MGST1: variants seen among roughly 807,000 people sequenced by gnomAD.
MGST1 encodes glutathione S-transferase 12.
Under a neutral mutation model 8.9 loss-of-function variants are expected in MGST1, and 5 were observed. That is an observed-to-expected ratio of 0.56 (90% CI 0.29 to 1.19). MGST1 has a LOEUF of 1.19. Ranked by LOEUF, MGST1 falls within the 50% of genes most tolerant of loss-of-function variation. The pLI is 0.08. For synonymous variants in MGST1, 54 were observed against 67.8 expected (o/e 0.80, Z 1.00); for missense variants, 182 against 187.4 (o/e 0.97, Z 0.17).
intron 4 of MGST1, among the ~76,000 whole-genome samples, chr12:16,447,239 A>G (rs1941087184): frequency 6.6e-6 from 1 of 151,870 alleles, no homozygotes; most frequent in African/African-American, 2.4e-5. Context: ...TGCCTCCTTG[A>G]TCAAAACTCT....
In MGST1 at chr12:16,491,063, G is replaced by T. The variant is rs533153820; in HGVS notation, n.483-98465G>T. Among the ~76,000 whole-genome samples the T allele has an allele frequency of 7.2e-5, 11 of 152,118 alleles. No homozygotes were observed. In the South Asian group the frequency reaches 8.3e-4, roughly 11 times the overall value. ...ATATAAGATTTAATCAAATTCTCTC[G>T]ATATAACTATTTATATGTTTTGCTT... On this transcript the variant is annotated intron_variant and non_coding_transcript_variant, in intron 4 of 4. Coordinates refer to the MGST1 transcript ENST00000538857.
chr12:16,390,295 G>GA (rs1281143578), intron 1 of MGST1, among the ~76,000 whole-genome samples: 5 of 151,686 alleles, frequency 3.3e-5, no homozygotes, highest in Admixed American at 1.3e-4. Flanking sequence ...ACAAATTATA[G>GA]AAAAAAACAG....
In MGST1 at chr12:16,555,849, A is replaced by G. The variant is rs547059158; in HGVS notation, n.483-33679A>G. On this transcript the variant is annotated intron_variant and non_coding_transcript_variant, in intron 4 of 4. Coordinates refer to the MGST1 transcript ENST00000538857. This position sits in a 1 kb window ranked among gnomAD's most constrained non-coding sequence, Gnocchi z 5.5. ...TCCCTCATCTTCCCCAACCCCGAGC[A>G]GACACACTTCCTGTAAGTCAACCAG... 1.2e-4 allele frequency among the ~76,000 whole-genome samples: 19 copies of G among 152,278 alleles called. No individual in the cohort carries two copies. In the South Asian group the frequency reaches 3.5e-3, roughly 28 times the overall value.
At chr12:16,507,635 C>A (rs1941547131) in intron 4 of MGST1, among the ~76,000 whole-genome samples, 1 of 152,058 alleles carries the variant, frequency 6.6e-6, no homozygotes, top group African/African-American at 2.4e-5. Context: ...AGCTGGGAGG[C>A]CTCAGGAATC....
At chr12:16,400,382 G>A (rs1053935645) in intron 1 of MGST1, 4 of 820,856 alleles carry the variant, frequency 4.9e-6, no homozygotes, top group South Asian at 1.4e-5. Flanking sequence ...CCATTGACAC[G>A]GGCCTCCAGT....
chr12:16,590,095 A>G (rs1763542867), downstream of MGST1, among the ~76,000 whole-genome samples: 1 of 152,122 alleles, frequency 6.6e-6, no homozygotes, highest in African/African-American at 2.4e-5. Flanking sequence ...TGCAAGCTCG[A>G]GAACTTTGAT....
At chr12:16,436,074 A>G (rs1452148980) in intron 1 of MGST1, among the ~76,000 whole-genome samples, 1 of 151,796 alleles carries the variant, frequency 6.6e-6, no homozygotes, top group Non-Finnish European at 1.5e-5. Flanking sequence ...TGAGCTTCTA[A>G]TCAGTGAAAC....
chr12:16,520,027 TA>T (rs1360736711), intron 4 of MGST1, among the ~76,000 whole-genome samples: 1 of 152,112 alleles, frequency 6.6e-6, no homozygotes, highest in Non-Finnish European at 1.5e-5. Context: ...ACGATAAAAG[TA>T]AGAGGTCTAT....
chr12:16,480,211 C>T (rs1233372484), intron 4 of MGST1, among the ~76,000 whole-genome samples: 2 of 146,158 alleles, frequency 1.4e-5, no homozygotes, highest in South Asian at 2.2e-4. Flanking sequence ...GGCATGATCT[C>T]GGCTCACTGG....
chr12:16,354,112 G>A (rs201057252), intron 1 of MGST1, 119 bp from the exon 2 acceptor site: 4 of 760,244 alleles, frequency 5.3e-6, no homozygotes, highest in Non-Finnish European at 8.0e-6. Flanking sequence ...TCTGCAAATA[G>A]TCCAAGATAT....
intron 4 of MGST1, among the ~76,000 whole-genome samples, chr12:16,452,306 T>C (rs1013634724): frequency 3.3e-5 from 5 of 151,682 alleles, no homozygotes; most frequent in East Asian, 2.0e-4. Flanking sequence ...TTTTTGTAGA[T>C]AGCAAGATTG....
chr12:16,381,416 T>C (rs984190595), downstream of MGST1, among the ~76,000 whole-genome samples: 2 of 152,216 alleles, frequency 1.3e-5, no homozygotes, highest in African/African-American at 4.8e-5. Flanking sequence ...TTTGGCTGGA[T>C]ATGAAATTCT....
intron 3 of MGST1, among the ~76,000 whole-genome samples, chr12:16,375,902 G>T (rs1732595327): frequency 6.6e-6 from 1 of 151,710 alleles, no homozygotes; most frequent in African/African-American, 2.4e-5. Flanking sequence ...GTGTCAAAAG[G>T]ACTCTAGACT....
chr12:16,463,065 A>G (rs1471594720), intron 4 of MGST1, among the ~76,000 whole-genome samples: 2 of 152,064 alleles, frequency 1.3e-5, no homozygotes, highest in Non-Finnish European at 2.9e-5. Flanking sequence ...GCAACACTTC[A>G]TTTTTACTTG....
rs577437204 is a variant in MGST1 at position 16,371,776 on chromosome 12, A to G, written c.222-4346A>G. 1.4e-4 allele frequency among the ~76,000 whole-genome samples: 22 copies of G among 152,230 alleles called. 1 individual carries two copies. The South Asian group carries it at 4.3e-3, about 30-fold the overall frequency. The stretch of plus-strand genomic sequence containing the variant: ...CCTGTTTTATAAGTACCTATGTAAC[A>G]TACTTGATTTTGCCTCTTAGCTCAC... On this transcript the variant is annotated intron_variant, in intron 3 of 3. Coordinates refer to the MGST1 transcript ENST00000535309.
chr12:16,484,605 G>A (rs1231081740), intron 4 of MGST1, among the ~76,000 whole-genome samples: 1 of 152,140 alleles, frequency 6.6e-6, no homozygotes. Flanking sequence ...TGAGGGGGAA[G>A]CAGGCATGTC....
At chr12:16,387,454 T>C (rs916311967) in intron 1 of MGST1, among the ~76,000 whole-genome samples, 1 of 151,996 alleles carries the variant, frequency 6.6e-6, no homozygotes. Flanking sequence ...CACTGCCCAC[T>C]CACTCACTGA....
chr12:16,520,597 G>A (rs1042686576), intron 4 of MGST1, among the ~76,000 whole-genome samples: 1 of 152,074 alleles, frequency 6.6e-6, no homozygotes, highest in African/African-American at 2.4e-5. Flanking sequence ...GGAAACAATA[G>A]GGAGGTTGGG....
chr12:16,407,387 G>A (rs1940704685), intron 1 of MGST1, among the ~76,000 whole-genome samples: 1 of 152,104 alleles, frequency 6.6e-6, no homozygotes, highest in Admixed American at 6.6e-5. Flanking sequence ...AGTCAGGATG[G>A]CTATTATTAA....
Sources: allele counts gnomAD v4.1 joint callset (sites outside exome capture counted in the v4.1 genomes callset), GRCh38; gene constraint gnomAD v4.1.1; non-coding constraint Gnocchi (gnomAD v3.1); transcripts MANE v1.5; gene names NCBI Gene and HGNC (gene_info 2026-07-23, HGNC 2026-07-21).